The following XXYLT1 variants were observed in gnomAD, a reference collection of about 807,000 sequenced individuals.
The protein encoded by XXYLT1 is xyloside xylosyltransferase 1, also known as UDP-xylose:alpha-xyloside alpha-1,3-xylosyltransferase.
A neutral mutation model predicts 28.9 loss-of-function variants in XXYLT1; 20 were observed. The ratio of observed to expected loss-of-function variants is 0.69; its 90% CI spans 0.49 to 1.00. The LOEUF (loss-of-function observed/expected upper bound fraction) is 1.00, where lower values mean the gene tolerates loss of function less well. Among genes scored for constraint, XXYLT1 ranks in the 50% least tolerant of loss-of-function variants. The probability of loss-of-function intolerance (pLI) is 0.00; values close to 1 mark genes in which losing one functional copy is unlikely to be tolerated. For synonymous variants in XXYLT1, 257 were observed against 253.8 expected, an observed-to-expected ratio of 1.01 and a Z score of -0.12; for missense variants, 542 against 560.1, an observed-to-expected ratio of 0.97 and a Z score of 0.33.
chr3:195,232,049 T>G (rs565755814), intron 1 of XXYLT1, among the ~76,000 whole-genome samples: 1 of 152,252 alleles, frequency 6.6e-6, no homozygotes, highest in Admixed American at 6.5e-5. Context: ...TTATTATGGC[T>G]TTGATCTAAT....
intron 3 of XXYLT1, among the ~76,000 whole-genome samples, chr3:195,112,899 C>T (rs1717855163): frequency 6.6e-6 from 1 of 152,224 alleles, no homozygotes; most frequent in Non-Finnish European, 1.5e-5. Flanking sequence ...ACACGCAGCC[C>T]CCAGCCTCCA....
intron 3 of XXYLT1, among the ~76,000 whole-genome samples, chr3:195,107,879 CCCAGG>C (rs149705614): frequency 0.031 from 4,704 of 152,176 alleles, 204 homozygotes; most frequent in African/African-American, 0.11. Context: ...GCATCACCCG[CCCAGG>C]CCTCCGCACA....
intron 3 of XXYLT1, among the ~76,000 whole-genome samples, chr3:195,111,971 T>G (rs1396818812): frequency 6.6e-6 from 1 of 152,188 alleles, no homozygotes; most frequent in Non-Finnish European, 1.5e-5. Flanking sequence ...ACATCCTGAT[T>G]GCCTGTAAAT....
intron 3 of XXYLT1, among the ~76,000 whole-genome samples, chr3:195,096,951 A>G (rs1577021183): frequency 6.6e-6 from 1 of 152,232 alleles, no homozygotes; most frequent in South Asian, 2.1e-4. Context: ...TCCCAATTTA[A>G]TAAGAAAAAC....
intron 2 of XXYLT1, among the ~76,000 whole-genome samples, chr3:195,165,978 T>A (rs1246473253): frequency 6.6e-6 from 1 of 152,160 alleles, no homozygotes; most frequent in African/African-American, 2.4e-5. Context: ...ATTGCTTTCA[T>A]CTCTGTTTAC....
At chr3:195,117,616 G>A (rs914452843) in intron 3 of XXYLT1, among the ~76,000 whole-genome samples, 6 of 144,868 alleles carry the variant, frequency 4.1e-5, no homozygotes, top group South Asian at 2.2e-4. Flanking sequence ...TCGGGGTAGC[G>A]TGGAAACAAA....
At chr3:195,118,037 C>A (rs1204716837) in intron 3 of XXYLT1, among the ~76,000 whole-genome samples, 2 of 152,210 alleles carry the variant, frequency 1.3e-5, no homozygotes, top group Admixed American at 6.5e-5. Context: ...CACGTCCTGC[C>A]CCCTAGAGCC....
chr3:195,202,315 T>C (rs954087404), intron 2 of XXYLT1, among the ~76,000 whole-genome samples: 2 of 140,180 alleles, frequency 1.4e-5, no homozygotes, highest in Non-Finnish European at 3.0e-5. Context: ...AAACAAAAGA[T>C]ACCAACATTG....
In XXYLT1 at chr3:195,209,513, T is replaced by C. The variant is rs1248331028; in HGVS notation, c.652+17196A>G. On this transcript the variant is annotated intron_variant, in intron 2 of 3. Coordinates refer to ENST00000310380, the MANE Select transcript of XXYLT1 (RefSeq NM_152531.5). This position sits in a 1 kb window ranked among gnomAD's most constrained non-coding sequence, Gnocchi z 5.0. ...GGACCTTTACAACCCCAGAGGTCAG[T>C]GTCAGGCAGCCCCACCGAAGCCGCA... The C allele has an allele frequency of 1.3e-5, 2 of 152,298 alleles. No individual in the cohort carries two copies. The highest frequency in any genetic ancestry group is 6.5e-5 in the Admixed American group (1 of 15,288). The allele number at this position is 152,298 out of a possible 1,614,324, so 9.4% of individuals were successfully genotyped here.
At chr3:195,266,492 CA>C (rs1157209767) in intron 1 of XXYLT1, among the ~76,000 whole-genome samples, 5 of 140,226 alleles carry the variant, frequency 3.6e-5, no homozygotes, top group East Asian at 2.1e-4. Context: ...GACTCTATCA[CA>C]AAAAAAAAAT....
rs377726160 is a variant in XXYLT1, at chr3:195,175,287, G to A, written c.653-18706C>T. The stretch of plus-strand genomic sequence containing the variant: ...AACAAGAGAGGCTCTTCTACAGTCA[G>A]GAGGGCCACGCAGCGTGCACTGGCT... On this transcript the variant is annotated intron_variant, in intron 2 of 3. Transcript: ENST00000310380. Among the ~76,000 whole-genome samples, 43 of 152,344 alleles carry A rather than the reference G, an allele frequency of 2.8e-4. 1 individual carries two copies. In the South Asian group the frequency reaches 8.7e-3, roughly 31 times the overall value.
intron 1 of XXYLT1, among the ~76,000 whole-genome samples, chr3:195,267,260 G>A (rs183655773): frequency 1.6e-4 from 25 of 152,284 alleles, no homozygotes; most frequent in Admixed American, 9.2e-4. Context: ...GAAGGGAAGA[G>A]GAGCCCCCAG....
chr3:195,088,151 A>C (rs893653415), intron 3 of XXYLT1, among the ~76,000 whole-genome samples: 4 of 145,936 alleles, frequency 2.7e-5, no homozygotes, highest in African/African-American at 9.9e-5. Flanking sequence ...TAAACAAAGC[A>C]GCCGGGAAGC....
chr3:195,203,409 A>C (rs921422320), intron 2 of XXYLT1, among the ~76,000 whole-genome samples: 3 of 152,016 alleles, frequency 2.0e-5, no homozygotes, highest in African/African-American at 4.8e-5. Context: ...GCCTGTACCC[A>C]CCCCTTCACC....
chr3:195,108,083 G>A (rs894625043), intron 3 of XXYLT1, among the ~76,000 whole-genome samples: 4 of 152,208 alleles, frequency 2.6e-5, no homozygotes, highest in African/African-American at 9.7e-5. Context: ...CCCATAGGGG[G>A]GTCTGGCCTT....
chr3:195,265,657 A>C (rs556814721), intron 1 of XXYLT1, among the ~76,000 whole-genome samples: 2 of 152,240 alleles, frequency 1.3e-5, no homozygotes, highest in Non-Finnish European at 2.9e-5. Context: ...CCCAGAAGTC[A>C]GTAGAGTAGA....
chr3:195,165,858 A>G (rs2108703143), intron 2 of XXYLT1, among the ~76,000 whole-genome samples: 1 of 152,276 alleles, frequency 6.6e-6, no homozygotes, highest in Non-Finnish European at 1.5e-5. Context: ...AAGTCCCTAT[A>G]TCTCAGGTAC....
intron 1 of XXYLT1, among the ~76,000 whole-genome samples, chr3:195,250,748 G>C (rs954259896): frequency 6.6e-6 from 1 of 152,118 alleles, no homozygotes; most frequent in Non-Finnish European, 1.5e-5. Context: ...GGCAGCAAAC[G>C]AGACATTTTA....
chr3:195,183,742 G>A (rs1044339714), intron 2 of XXYLT1: 5 of 152,282 alleles, frequency 3.3e-5, no homozygotes, highest in African/African-American at 4.8e-5. Flanking sequence ...AAACTACCAA[G>A]GAGCCCAGAA....
Sources: allele counts gnomAD v4.1 joint callset (sites outside exome capture counted in the v4.1 genomes callset), GRCh38; gene constraint gnomAD v4.1.1; non-coding constraint Gnocchi (gnomAD v3.1); transcripts MANE v1.5; gene names NCBI Gene and HGNC (gene_info 2026-07-23, HGNC 2026-07-21).